SNAP25: variants seen among roughly 807,000 people sequenced by gnomAD.
SNAP25 encodes synaptosome associated protein 25, also known as synaptosomal-associated protein 25.
In SNAP25, 3 loss-of-function variants were observed where a neutral mutation model predicts 28.7. The ratio of observed to expected loss-of-function variants is 0.10; its 90% confidence interval spans 0.05 to 0.27. The LOEUF (loss-of-function observed/expected upper bound fraction) is 0.27. Ranked by LOEUF, SNAP25 falls within the 10% of genes least tolerant of loss-of-function variation. SNAP25 has a pLI of 1.00. For synonymous variants in SNAP25, 61 were observed against 88.1 expected (o/e 0.69, Z 1.72); for missense variants, 117 against 278.7 (o/e 0.42, Z 4.13).
intron 6 of SNAP25, among the ~76,000 whole-genome samples, chr20:10,298,231 A>C (rs1027581618): frequency 2.0e-5 from 3 of 152,312 alleles, no homozygotes; most frequent in African/African-American, 7.2e-5. Context: ...ATATGCACTC[A>C]GGGCCAAGCA....
chr20:10,273,096 C>A (rs1178470111), intron 1 of SNAP25, among the ~76,000 whole-genome samples: 2 of 152,158 alleles, frequency 1.3e-5, no homozygotes, highest in African/African-American at 4.8e-5. Context: ...GATCTAGGAC[C>A]TGCCTCTGGG....
At chr20:10,302,541 G>C (rs1352935418) in intron 7 of SNAP25, among the ~76,000 whole-genome samples, 1 of 152,204 alleles carries the variant, frequency 6.6e-6, no homozygotes, top group Non-Finnish European at 1.5e-5. Flanking sequence ...GGAGCGTTCA[G>C]AAGATGGGCT....
intron 1 of SNAP25, among the ~76,000 whole-genome samples, chr20:10,244,145 A>G (rs890651766): frequency 6.6e-6 from 1 of 152,228 alleles, no homozygotes; most frequent in Non-Finnish European, 1.5e-5. Context: ...TAATGCCTAT[A>G]AGGTTTTGAC....
At position 10,296,918 on chromosome 20, in the gene SNAP25, T is replaced by G; in HGVS notation, c.282-7T>G. 1.2e-6 allele frequency: 2 copies of G among 1,614,102 alleles called. No individual in the cohort carries two copies. The highest frequency in any genetic ancestry group is 1.7e-6 in the Non-Finnish European group (2 of 1,179,998). ...GTGCCTTGTCACTCACCCTCTCTTT[T>G]GCATAGGCTTAAATCAAGTGATGCT... On this transcript the variant is annotated splice_polypyrimidine_tract_variant and splice_region_variant and intron_variant, in intron 5 of 7. Transcript: ENST00000254976.
chr20:10,266,715 A>C (rs2063512693), intron 1 of SNAP25, among the ~76,000 whole-genome samples: 1 of 152,226 alleles, frequency 6.6e-6, no homozygotes, highest in South Asian at 2.1e-4. Flanking sequence ...TGCACTATGA[A>C]AAGGTAGCAA....
At position 10,241,972 on chromosome 20, in the gene SNAP25, A is replaced by T. The variant is rs543071269; in HGVS notation, c.-64+22995A>T. ...GAGGTGGCTGCAGCTCCAGAGTATG[A>T]CTATGGGTGAAGCAACCTAACCCAG... On this transcript the variant is annotated intron_variant, in intron 1 of 7. Transcript: ENST00000254976. Among the ~76,000 whole-genome samples, 9 of 152,286 alleles carry T rather than the reference A, an allele frequency of 5.9e-5. No homozygotes were observed. The East Asian group carries it at 1.7e-3, about 29-fold the overall frequency.
chr20:10,265,872 A>C lies in SNAP25; in HGVS notation c.-63-9557A>C, dbSNP rs563588623. 2.6e-5 allele frequency among the ~76,000 whole-genome samples: 4 copies of C among 152,296 alleles called. No homozygotes were observed. The South Asian group carries it at 8.3e-4, about 32-fold the overall frequency. On this transcript the variant is annotated intron_variant, in intron 1 of 7. Coordinates refer to ENST00000254976, the MANE Select transcript of SNAP25 (RefSeq NM_130811.4). Reference sequence around the variant, plus strand: ...CTTAGTGCTTGATATGTTGTTCAGTACGTGATCCAATCCAATAAGTCTGGG... The same window carrying C: ...CTTAGTGCTTGATATGTTGTTCAGTCCGTGATCCAATCCAATAAGTCTGGG...
At chr20:10,277,782 C>A in intron 3 of SNAP25, 56 bp downstream of exon 3, 1 of 1,474,634 alleles carries the variant, frequency 6.8e-7, no homozygotes, top group Non-Finnish European at 9.5e-7. Flanking sequence ...CTGATACATC[C>A]TTTCCTAGTT....
At chr20:10,255,965 TGCAAGG>T (rs1327743603) in intron 1 of SNAP25, among the ~76,000 whole-genome samples, 39 of 152,234 alleles carry the variant, frequency 2.6e-4, no homozygotes, top group Non-Finnish European at 4.7e-4. Flanking sequence ...GCATAGATAA[TGCAAGG>T]GCATAAACAA....
intron 3 of SNAP25, among the ~76,000 whole-genome samples, chr20:10,283,823 T>A (rs2063824977): frequency 6.6e-6 from 1 of 152,144 alleles, no homozygotes; most frequent in South Asian, 2.1e-4. Flanking sequence ...CCATTAACAG[T>A]CGCCCTGTAA....
intron 1 of SNAP25, among the ~76,000 whole-genome samples, chr20:10,271,668 C>T (rs914073017): frequency 5.9e-5 from 9 of 152,126 alleles, no homozygotes; most frequent in African/African-American, 2.2e-4. Flanking sequence ...CTGAGAATAA[C>T]AACTTTGAGA....
chr20:10,304,476 T>G (rs577334952), intron 7 of SNAP25, among the ~76,000 whole-genome samples: 1 of 152,222 alleles, frequency 6.6e-6, no homozygotes, highest in Non-Finnish European at 1.5e-5. Context: ...TTATGTATTA[T>G]TTACTGTATT....
At chr20:10,287,327 C>A (rs2123082874) in intron 4 of SNAP25, among the ~76,000 whole-genome samples, 1 of 152,198 alleles carries the variant, frequency 6.6e-6, no homozygotes, top group Admixed American at 6.5e-5. Context: ...AAACAAATAA[C>A]CCCATCAAAA....
At chr20:10,247,680 C>T (rs567037890) in intron 1 of SNAP25, among the ~76,000 whole-genome samples, 1 of 152,300 alleles carries the variant, frequency 6.6e-6, no homozygotes, top group African/African-American at 2.4e-5. Context: ...GATAGTCCAA[C>T]TGTCTCTAAA....
chr20:10,281,811 G>A (rs1467020768), intron 3 of SNAP25, among the ~76,000 whole-genome samples: 1 of 152,116 alleles, frequency 6.6e-6, no homozygotes, highest in Non-Finnish European at 1.5e-5. Context: ...TGAACTCACG[G>A]AGGCGTCAGC....
At chr20:10,251,325 A>C (rs1423202830) in intron 1 of SNAP25, among the ~76,000 whole-genome samples, 2 of 152,200 alleles carry the variant, frequency 1.3e-5, no homozygotes, top group South Asian at 2.1e-4. Context: ...AAGTAGCATG[A>C]AGCAAGAAAT....
intron 3 of SNAP25, among the ~76,000 whole-genome samples, chr20:10,281,643 T>C (rs966032684): frequency 6.6e-6 from 1 of 152,248 alleles, no homozygotes; most frequent in African/African-American, 2.4e-5. Flanking sequence ...CAGGTCTACC[T>C]GATTTCAGAG....
chr20:10,286,561 A>G (rs1447736415), intron 4 of SNAP25, among the ~76,000 whole-genome samples: 1 of 152,188 alleles, frequency 6.6e-6, no homozygotes, highest in Non-Finnish European at 1.5e-5. Flanking sequence ...CATTGTGCTC[A>G]GCCATTGGCT....
At chr20:10,234,562 A>G (rs2062884334) in intron 1 of SNAP25, among the ~76,000 whole-genome samples, 1 of 152,218 alleles carries the variant, frequency 6.6e-6, no homozygotes, top group Non-Finnish European at 1.5e-5. Flanking sequence ...TCCCAGCCCT[A>G]TAGGCATTTG....
Sources: allele counts gnomAD v4.1 joint callset (sites outside exome capture counted in the v4.1 genomes callset), GRCh38; gene constraint gnomAD v4.1.1; transcripts MANE v1.5; gene names NCBI Gene and HGNC (gene_info 2026-07-23, HGNC 2026-07-21).